AUTS2: variants seen among roughly 807,000 people sequenced by gnomAD.
The protein encoded by AUTS2 is autism susceptibility gene 2 protein.
In AUTS2, 17 loss-of-function variants were observed where a neutral mutation model predicts 112.4. The observed-to-expected ratio is 0.15, with a 90% CI of 0.10 to 0.23. The LOEUF is 0.23. AUTS2 is among the 10% of genes least tolerant of loss of function. The probability of loss-of-function intolerance (pLI) is 1.00; values close to 1 mark genes in which losing one functional copy is unlikely to be tolerated. For synonymous variants in AUTS2, 751 were observed against 702.7 expected, an observed-to-expected ratio of 1.07 and a Z score of -1.09; for missense variants, 1,510 against 1,701.6, an observed-to-expected ratio of 0.89 and a Z score of 1.98.
chr7:70,419,249 C>T (rs544794559), intron 4 of AUTS2, among the ~76,000 whole-genome samples: 2 of 152,206 alleles, frequency 1.3e-5, no homozygotes, highest in African/African-American at 4.8e-5. Context: ...TTGACCTGTT[C>T]CCCAATTTGG....
intron 4 of AUTS2, among the ~76,000 whole-genome samples, chr7:70,286,005 T>C (rs1788440480): frequency 1.3e-5 from 2 of 152,228 alleles, no homozygotes; most frequent in Admixed American, 1.3e-4. Context: ...TGAGCTGATA[T>C]CTATTGGCTG....
chr7:70,463,841 G>A (rs760166931), intron 5 of AUTS2, among the ~76,000 whole-genome samples: 2 of 152,218 alleles, frequency 1.3e-5, no homozygotes, highest in Non-Finnish European at 2.9e-5. Flanking sequence ...GAAGACTGGC[G>A]GAGGGAGTAG....
chr7:69,632,448 C>T (rs558887743), intron 1 of AUTS2, among the ~76,000 whole-genome samples: 104 of 152,126 alleles, frequency 6.8e-4, no homozygotes, highest in African/African-American at 2.2e-3. Flanking sequence ...AAGGTAGGAA[C>T]GTAAAAGTGG....
At chr7:70,390,960 G>A (rs958630838) in intron 4 of AUTS2, among the ~76,000 whole-genome samples, 6 of 152,168 alleles carry the variant, frequency 3.9e-5, no homozygotes, top group Non-Finnish European at 5.9e-5. Flanking sequence ...GAGAATGACC[G>A]AATCTGTGCT....
At chr7:70,297,491 C>T (rs1308924185) in intron 4 of AUTS2, among the ~76,000 whole-genome samples, 4 of 150,026 alleles carry the variant, frequency 2.7e-5, no homozygotes, top group Admixed American at 6.6e-5. Context: ...AGTGCAGTGA[C>T]GCATCTCGGC....
chr7:70,183,435 T>C (rs746401054), intron 4 of AUTS2, among the ~76,000 whole-genome samples: 5 of 152,242 alleles, frequency 3.3e-5, no homozygotes, highest in Non-Finnish European at 7.3e-5. Flanking sequence ...GTGTTAATTA[T>C]TGCATTTCTT....
chr7:70,753,139 A>G (rs1021886799), intron 6 of AUTS2, among the ~76,000 whole-genome samples: 2 of 152,110 alleles, frequency 1.3e-5, no homozygotes, highest in South Asian at 2.1e-4. Context: ...AACCCCTATC[A>G]GGGTTAATCT....
chr7:70,524,115 C>T (rs1563015088), intron 5 of AUTS2, among the ~76,000 whole-genome samples: 1 of 152,208 alleles, frequency 6.6e-6, no homozygotes, highest in Non-Finnish European at 1.5e-5. Flanking sequence ...TTCTTTCTGA[C>T]CATGGATGCC....
chr7:70,304,353 T>G (rs1173738136), intron 4 of AUTS2, among the ~76,000 whole-genome samples: 2 of 152,244 alleles, frequency 1.3e-5, no homozygotes, highest in Non-Finnish European at 2.9e-5. Flanking sequence ...CCAGCTTTTA[T>G]TGATACTTCA....
At chr7:69,999,206 T>C (rs1178281097) in intron 2 of AUTS2, among the ~76,000 whole-genome samples, 33 of 152,152 alleles carry the variant, frequency 2.2e-4, no homozygotes, top group Admixed American at 2.2e-3. Flanking sequence ...TCGACATAAA[T>C]TTTCAGGGTC....
chr7:70,672,955 A>G (rs1308220303), intron 5 of AUTS2, among the ~76,000 whole-genome samples: 1 of 152,180 alleles, frequency 6.6e-6, no homozygotes, highest in Non-Finnish European at 1.5e-5. Flanking sequence ...AAACAACCCT[A>G]CTACAGCATT....
intron 1 of AUTS2, among the ~76,000 whole-genome samples, chr7:69,742,534 T>G (rs921556195): frequency 2.0e-5 from 3 of 152,174 alleles, no homozygotes; most frequent in Admixed American, 6.5e-5. Context: ...TGTCCATACT[T>G]TGACTAACTT....
At chr7:70,005,027 G>A (rs899624485) in intron 2 of AUTS2, among the ~76,000 whole-genome samples, 6 of 152,006 alleles carry the variant, frequency 3.9e-5, no homozygotes, top group African/African-American at 1.4e-4. Flanking sequence ...ATTTCACCAT[G>A]TTGGCCAGGC....
At chr7:70,442,576 C>G (rs1474337003) in intron 5 of AUTS2, among the ~76,000 whole-genome samples, 2 of 152,104 alleles carry the variant, frequency 1.3e-5, no homozygotes, top group African/African-American at 2.4e-5. Flanking sequence ...CTGAACCCTC[C>G]CACTCCTTGA....
At chr7:70,503,545 TTC>T (rs1330460820) in intron 5 of AUTS2, among the ~76,000 whole-genome samples, 51 of 141,044 alleles carry the variant, frequency 3.6e-4, no homozygotes, top group Admixed American at 2.0e-3. Context: ...TTGAGATAGA[TTC>T]TCTCTCTGTT....
intron 4 of AUTS2, among the ~76,000 whole-genome samples, chr7:70,397,565 A>G (rs543728905): frequency 2.9e-4 from 44 of 152,036 alleles, no homozygotes; most frequent in Non-Finnish European, 2.5e-4. Flanking sequence ...TTGAGATTAT[A>G]TATGAAAAAA....
chr7:70,497,238 C>G (rs1046360745), intron 5 of AUTS2, among the ~76,000 whole-genome samples: 1 of 149,108 alleles, frequency 6.7e-6, no homozygotes, highest in African/African-American at 2.5e-5. Flanking sequence ...ACACCCCACT[C>G]ACACACACCA....
At chr7:69,936,562 G>A (rs1016472974) in intron 2 of AUTS2, among the ~76,000 whole-genome samples, 1 of 152,146 alleles carries the variant, frequency 6.6e-6, no homozygotes, top group Non-Finnish European at 1.5e-5. Context: ...TGTTAGCCAG[G>A]ATGGTCTCGA....
At chr7:70,527,376 C>T (rs1237511035) in intron 5 of AUTS2, among the ~76,000 whole-genome samples, 1 of 152,056 alleles carries the variant, frequency 6.6e-6, no homozygotes, top group Non-Finnish European at 1.5e-5. Context: ...AACCCCTGCC[C>T]ATCTTCTCAG....
Sources: allele counts gnomAD v4.1 joint callset (sites outside exome capture counted in the v4.1 genomes callset), GRCh38; gene constraint gnomAD v4.1.1; transcripts MANE v1.5; gene names NCBI Gene and HGNC (gene_info 2026-07-23, HGNC 2026-07-21).